MMP16: variants seen among roughly 807,000 people sequenced by gnomAD.
MMP16 encodes matrix metallopeptidase 16, also known as matrix metalloproteinase-16.
Under a neutral mutation model 67.8 loss-of-function variants are expected in MMP16, and 12 were observed. The ratio of observed to expected loss-of-function variants is 0.18; its 90% CI spans 0.11 to 0.29. The LOEUF is 0.29. Ranked by LOEUF, MMP16 falls within the 10% of genes least tolerant of loss-of-function variation. MMP16 has a pLI of 1.00. For missense variants in MMP16, 475 were observed against 765.7 expected, an observed-to-expected ratio of 0.62 and a Z score of 4.48; for synonymous variants, 249 against 255.9, an observed-to-expected ratio of 0.97 and a Z score of 0.26.
chr8:88,203,885 A>G (rs10091022), intron 1 of MMP16, among the ~76,000 whole-genome samples: 23,866 of 152,260 alleles, frequency 0.16, 2,018 homozygotes, highest in South Asian at 0.19. Context: ...TTCAATAGCT[A>G]TTTTGGGATA....
At chr8:88,326,792 ATGTAGGACTTCTCT>A in intron 1 of MMP16, 1 of 333,312 alleles carries the variant, frequency 3.0e-6, no homozygotes. Flanking sequence ...CGGTTGCTAT[ATGTAGGACTTCTCT>A]TCCCTGGGTG....
At position 88,105,000 on chromosome 8, in the gene MMP16, A is replaced by G. The variant is rs183333343; in HGVS notation, c.1083+11507T>C. Among the ~76,000 whole-genome samples the G allele has an allele frequency of 4.9e-3, 739 of 151,760 alleles. 5 individuals are homozygous for G. The highest frequency in any genetic ancestry group is 0.017 in the Middle Eastern group (5 of 294). ...AGTGTAGCCTAAGTATAAAATATTTATGAAGTCGACAGTAGTGTACAGGAA... is the reference window on the plus strand; with the variant it reads ...AGTGTAGCCTAAGTATAAAATATTTGTGAAGTCGACAGTAGTGTACAGGAA... On this transcript the variant is annotated intron_variant, in intron 6 of 9. Coordinates refer to ENST00000286614, the MANE Select transcript of MMP16 (RefSeq NM_005941.5).
At chr8:88,325,251 G>T (rs1811518753) in intron 1 of MMP16, among the ~76,000 whole-genome samples, 1 of 152,030 alleles carries the variant, frequency 6.6e-6, no homozygotes, top group Non-Finnish European at 1.5e-5. Context: ...CTTACTGAGG[G>T]ATTCCAATAT....
At chr8:88,293,364 TA>T (rs1447644483) in intron 1 of MMP16, among the ~76,000 whole-genome samples, 1 of 152,128 alleles carries the variant, frequency 6.6e-6, no homozygotes, top group Non-Finnish European at 1.5e-5. Flanking sequence ...AGTTGATGAT[TA>T]ATGGATAAAA....
intron 4 of MMP16, among the ~76,000 whole-genome samples, chr8:88,165,673 C>T (rs1264489132): frequency 2.0e-5 from 3 of 151,884 alleles, no homozygotes; most frequent in Non-Finnish European, 2.9e-5. Flanking sequence ...ACTGGTATGC[C>T]CCAACTACCA....
chr8:88,046,730 T>A lies in MMP16; in HGVS notation c.1428A>T (p.Pro476=), dbSNP rs1261203811. The change falls in exon 9 of 10, where the codon CCA becomes CCT. Residue 476 remains proline (P), a synonymous_variant. Coordinates refer to ENST00000286614, the MANE Select transcript of MMP16 (RefSeq NM_005941.5). ...CAGGGATCCCTTTCCAGACTGTGAT[T>A]GGCTTGGGATAGCCAGGGTCCATTG... is the stretch of plus-strand genomic sequence containing the variant. ...MKTMDPGYPK[P]ITVWKGIPES... 1 of 1,611,294 alleles carries A rather than the reference T, an allele frequency of 6.2e-7. No homozygotes were observed. Among genetic ancestry groups the A allele is most frequent in the Admixed American group, 1.7e-5 (1 of 58,870 alleles).
rs147583154 is a variant in MMP16 at position 88,133,123 on chromosome 8, T to G, written c.710-14262A>C. ...TAATAGAAAATGATCTAAACTGTAA[T>G]GATTTTTATTCCACATACTGTTTTG... On this transcript the variant is annotated intron_variant, in intron 4 of 9. Coordinates refer to ENST00000286614, the MANE Select transcript of MMP16 (RefSeq NM_005941.5). Among the ~76,000 whole-genome samples the G allele has an allele frequency of 2.9e-4, 44 of 151,978 alleles. 1 individual carries two copies. The East Asian group carries it at 8.4e-3, about 29-fold the overall frequency.
At chr8:88,158,202 G>A (rs1477710343) in intron 4 of MMP16, among the ~76,000 whole-genome samples, 1 of 152,114 alleles carries the variant, frequency 6.6e-6, no homozygotes, top group African/African-American at 2.4e-5. Flanking sequence ...TGGGATGGCT[G>A]GGTCAAATGG....
At chr8:88,244,007 TA>T (rs940333588) in intron 1 of MMP16, among the ~76,000 whole-genome samples, 20 of 151,148 alleles carry the variant, frequency 1.3e-4, no homozygotes, top group Middle Eastern at 3.4e-3. Flanking sequence ...AATTGTTTTT[TA>T]TTAAAGGTAA....
chr8:88,282,392 T>C (rs1810756299), intron 1 of MMP16, among the ~76,000 whole-genome samples: 1 of 152,176 alleles, frequency 6.6e-6, no homozygotes, highest in Non-Finnish European at 1.5e-5. Context: ...TTTTTCTATA[T>C]GCATACAAGG....
At position 88,118,585 on chromosome 8, in the gene MMP16, A is replaced by G. The variant is rs1354350237; in HGVS notation, c.871+115T>C. 7 of 988,892 alleles carry G rather than the reference A, an allele frequency of 7.1e-6. No individual in the cohort carries two copies. In the Middle Eastern group the frequency reaches 9.2e-4, roughly 130 times the overall value. The allele number at this position is 988,892 out of a possible 1,614,324, so 61.3% of individuals were successfully genotyped here. On this transcript the variant is annotated intron_variant, in intron 5 of 9. Coordinates refer to ENST00000286614, the MANE Select transcript of MMP16 (RefSeq NM_005941.5). The stretch of plus-strand genomic sequence containing the variant: ...AATTTTGCCAGTAGGCCAGCTACAT[A>G]CTTTTTCTGTAGTCATCTGTGTTAT...
At chr8:88,307,007 G>A (rs1811220945) in intron 1 of MMP16, among the ~76,000 whole-genome samples, 1 of 152,148 alleles carries the variant, frequency 6.6e-6, no homozygotes. Context: ...GCAGATGGCA[G>A]GATCCTGTAT....
chr8:88,258,982 T>C (rs749212784), intron 1 of MMP16, among the ~76,000 whole-genome samples: 4 of 152,192 alleles, frequency 2.6e-5, no homozygotes, highest in Non-Finnish European at 5.9e-5. Flanking sequence ...GAACCTAATG[T>C]GGTAGCTTCA....
At chr8:88,072,463 T>A in intron 7 of MMP16, among the ~76,000 whole-genome samples, 1 of 151,872 alleles carries the variant, frequency 6.6e-6, no homozygotes, top group African/African-American at 2.4e-5. Flanking sequence ...AAGAGTAAAC[T>A]GGAGGAAAGA....
intron 3 of MMP16, among the ~76,000 whole-genome samples, chr8:88,173,265 T>C (rs759944663): frequency 6.6e-6 from 1 of 152,128 alleles, no homozygotes; most frequent in Non-Finnish European, 1.5e-5. Flanking sequence ...TTGCCCAGGA[T>C]GGTCTTGAAT....
At chr8:88,136,488 G>T (rs1458013502) in intron 4 of MMP16, among the ~76,000 whole-genome samples, 1 of 151,692 alleles carries the variant, frequency 6.6e-6, no homozygotes, top group South Asian at 2.1e-4. Context: ...CCCAGATCAA[G>T]AAATTGAATG....
At chr8:88,219,154 G>T (rs967547591) in intron 1 of MMP16, among the ~76,000 whole-genome samples, 5 of 151,926 alleles carry the variant, frequency 3.3e-5, no homozygotes, top group Admixed American at 2.0e-4. Flanking sequence ...ATAAAATAAA[G>T]CAGGAAAGAA....
chr8:88,220,864 A>C (rs1191709250), intron 1 of MMP16, among the ~76,000 whole-genome samples: 1 of 152,108 alleles, frequency 6.6e-6, no homozygotes, highest in East Asian at 1.9e-4. Context: ...TAAACTTAGA[A>C]GATTGAGTAT....
intron 1 of MMP16, among the ~76,000 whole-genome samples, chr8:88,308,083 T>C (rs982490853): frequency 6.6e-6 from 1 of 152,024 alleles, no homozygotes; most frequent in African/African-American, 2.4e-5. Flanking sequence ...GACTGAAATA[T>C]GTGTCAAAAT....
Sources: gnomAD v4.1 joint callset for allele counts (sites outside exome capture counted in the v4.1 genomes callset) on GRCh38, gnomAD v4.1.1 for gene constraint, MANE v1.5 for transcripts, NCBI Gene and HGNC (gene_info 2026-07-23, HGNC 2026-07-21) for gene names.